The following STAC2 variants were observed in gnomAD, a reference collection of about 807,000 sequenced individuals.
STAC2 encodes SH3 and cysteine rich domain 2, also known as SH3 and cysteine-rich domain-containing protein 2.
In STAC2, 36 loss-of-function variants were observed where a neutral mutation model predicts 49.0. The ratio of observed to expected loss-of-function variants is 0.74; its 90% CI spans 0.56 to 0.97. The LOEUF (loss-of-function observed/expected upper bound fraction) is 0.97, where lower values mean the gene tolerates loss of function less well. STAC2 is among the 50% of genes least tolerant of loss of function. The probability of loss-of-function intolerance (pLI) is 0.00; values close to 1 mark genes in which losing one functional copy is unlikely to be tolerated. For missense variants in STAC2, 527 were observed against 543.8 expected, an observed-to-expected ratio of 0.97 and a Z score of 0.31; for synonymous variants, 239 against 214.7, an observed-to-expected ratio of 1.11 and a Z score of -0.99.
intron 10 of STAC2, 56 bp downstream of exon 10, chr17:39,212,938 TC>T (rs1193980181): frequency 1.3e-6 from 2 of 1,595,960 alleles, no homozygotes; most frequent in African/African-American, 1.3e-5. Flanking sequence ...GCAGCCTGTC[TC>T]CCCCGCCCAC....
In STAC2 at chr17:39,225,369, G is replaced by T. The variant is rs1223583741; in HGVS notation, c.90+44C>A. On this transcript the variant is annotated intron_variant, in intron 1 of 10. Coordinates refer to ENST00000333461, the MANE Select transcript of STAC2 (RefSeq NM_198993.5). This position sits in a 1 kb window ranked among gnomAD's most constrained non-coding sequence, Gnocchi z 8.2. The stretch of plus-strand genomic sequence containing the variant: ...AGGAGGACCCCGCCGGGAAGAGGGC[G>T]CCCGGGCCCGGGGCGCGGACAGGCC... The T allele has an allele frequency of 2.0e-6, 3 of 1,526,506 alleles. No homozygotes were observed. The highest frequency in any genetic ancestry group is 2.6e-6 in the Non-Finnish European group (3 of 1,136,186). 94.6% of individuals were successfully genotyped at this position (1,526,506 alleles called of 1,614,324 possible). A position where few individuals can be genotyped will look rare whatever the true frequency, so the allele number is the denominator to read the frequency against.
rs1016920142 is a variant in STAC2, at chr17:39,210,643, T to C, written c.*1649A>G. 2 of 133,184 alleles carry C rather than the reference T, an allele frequency of 1.5e-5. No individual in the cohort carries two copies. Among genetic ancestry groups the C allele is most frequent in the African/African-American group, 5.3e-5 (2 of 37,772 alleles). The allele number at this position is 133,184 out of a possible 1,614,324, so 8.3% of individuals were successfully genotyped here. ...GGCATTGGGCCCGCCCCTGGGATATTGCTGGGGGGGGGGGCCTCATGGCAG... is the reference window on the plus strand; with the variant it reads ...GGCATTGGGCCCGCCCCTGGGATATCGCTGGGGGGGGGGGCCTCATGGCAG... On this transcript the variant is annotated 3_prime_UTR_variant, in exon 11 of 11. Transcript: ENST00000333461.
chr17:39,222,906 A>G lies in STAC2; in HGVS notation c.90+2507T>C, dbSNP rs193013855. On this transcript the variant is annotated intron_variant, in intron 1 of 10. Coordinates refer to ENST00000333461, the MANE Select transcript of STAC2 (RefSeq NM_198993.5). ...GAGGCATCTGGCAGTGGGTGGTGGC[A>G]GACGTGGCACAAGCTGACTCACAGC... is the stretch of plus-strand genomic sequence containing the variant. Among the ~76,000 whole-genome samples the G allele has an allele frequency of 3.5e-4, 53 of 152,290 alleles. No homozygotes were observed. In the East Asian group the frequency reaches 8.1e-3, roughly 23 times the overall value.
intron 5 of STAC2, 46 bp from the exon 6 acceptor site, chr17:39,215,069 A>G: frequency 1.2e-6 from 2 of 1,613,914 alleles, no homozygotes; most frequent in Non-Finnish European, 1.7e-6. Context: ...GCCCACTGTC[A>G]TGCTCAGACA....
chr17:39,212,417 G>A, intron 10 of STAC2, 21 bp from the exon 11 acceptor site: 1 of 1,583,574 alleles, frequency 6.3e-7, no homozygotes, highest in Non-Finnish European at 8.6e-7. Context: ...GAGACATGGA[G>A]CTGAGGCCTG....
In STAC2 at chr17:39,214,783, A is replaced by T; in HGVS notation, c.843+8T>A. The T allele has an allele frequency of 6.2e-7, 1 of 1,613,704 alleles. No individual in the cohort carries two copies. The highest frequency in any genetic ancestry group is 8.5e-7 in the Non-Finnish European group (1 of 1,179,814). On this transcript the variant is annotated splice_region_variant and intron_variant, in intron 7 of 10. Coordinates refer to ENST00000333461, the MANE Select transcript of STAC2 (RefSeq NM_198993.5). ...TGACCTTCCGGGCCAATGCCAGTAC[A>T]GGCTCACCTGCTGTCCAGGACTCTT... is the stretch of plus-strand genomic sequence containing the variant.
rs768856766 is a variant in STAC2 at position 39,213,492 on chromosome 17, A to G, written c.993+15T>C. 3.7e-6 allele frequency: 6 copies of G among 1,613,106 alleles called. No homozygotes were observed. The highest frequency in any genetic ancestry group is 5.1e-6 in the Non-Finnish European group (6 of 1,179,582). The stretch of plus-strand genomic sequence containing the variant: ...GCCTACCAGTGTCCCTCCACTCCCC[A>G]CCCTGCCAAGTCACCTTCCACCAGT... On this transcript the variant is annotated intron_variant, in intron 9 of 10. Coordinates refer to ENST00000333461, the MANE Select transcript of STAC2 (RefSeq NM_198993.5).
chr17:39,219,783 C>T (rs1388539522), intron 1 of STAC2, among the ~76,000 whole-genome samples: 1 of 152,252 alleles, frequency 6.6e-6, no homozygotes, highest in African/African-American at 2.4e-5. Flanking sequence ...CCTTGGCCGT[C>T]TCCCTTCCCG....
chr17:39,222,915 A>C (rs1048693414), intron 1 of STAC2, among the ~76,000 whole-genome samples: 2 of 152,150 alleles, frequency 1.3e-5, no homozygotes, highest in African/African-American at 2.4e-5. Context: ...CAGACGTGGC[A>C]CAAGCTGACT....
At chr17:39,217,788 T>C (rs772186263) in intron 2 of STAC2, 79 bp downstream of exon 2, 54 of 1,414,438 alleles carry the variant, frequency 3.8e-5, no homozygotes, top group Non-Finnish European at 4.3e-5. Context: ...AGCCCAATAA[T>C]ATTGGGCGCA....
Position 39,218,126 on chromosome 17 carries a change from A to G in STAC2, c.138T>C (p.Ser46=). 6.2e-7 allele frequency: 1 copy of G among 1,613,516 alleles called. No individual in the cohort carries two copies. Among genetic ancestry groups the G allele is most frequent in the South Asian group, 1.1e-5 (1 of 91,074 alleles). ...RSLSLKTILR[S]KSLENFFLRS... ...GAAGGAAGAAGTTCTCCAAGCTCTT[A>G]CTTCGGAGGATGGTCTTGAGGGAGA... The change falls in exon 2 of 11, where the codon AGT becomes AGC. Residue 46 remains serine (S), a synonymous_variant. Transcript: ENST00000333461.
intron 10 of STAC2, among the ~76,000 whole-genome samples, 157 bp from the exon 11 acceptor site, chr17:39,212,553 G>T (rs1282357992): frequency 6.6e-6 from 1 of 152,168 alleles, no homozygotes; most frequent in Non-Finnish European, 1.5e-5. Flanking sequence ...CAGATCCCAG[G>T]AGTGTAGAGG....
At position 39,217,919 on chromosome 17, in the gene STAC2, T is replaced by A; in HGVS notation, c.345A>T (p.Glu115Asp). The A allele has an allele frequency of 6.2e-7, 1 of 1,606,494 alleles. No individual in the cohort carries two copies. Among genetic ancestry groups the A allele is most frequent in the Non-Finnish European group, 8.5e-7 (1 of 1,177,006 alleles). Reference protein sequence around the residue: ...LKPVRLHSFQEHVFKRASPCE... With the variant: ...LKPVRLHSFQDHVFKRASPCE... ...AAGGGCTAGCTCGCTTGAAGACATG[T>A]TCCTGGAAGCTGTGCAGCCTCACTG... is the stretch of plus-strand genomic sequence containing the variant. The change falls in exon 2 of 11, where the codon GAA becomes GAT. Residue 115 changes from glutamate to aspartate, a missense_variant. By Grantham distance (45) the Glu-to-Asp change is conservative. Coordinates refer to ENST00000333461, the MANE Select transcript of STAC2 (RefSeq NM_198993.5).
At chr17:39,215,797 G>C (rs2046397076) in intron 4 of STAC2, among the ~76,000 whole-genome samples, 1 of 152,074 alleles carries the variant, frequency 6.6e-6, no homozygotes, top group African/African-American at 2.4e-5. Context: ...TCCGCCTCCT[G>C]GGTTCAAGCA....
chr17:39,212,858 T>C, intron 10 of STAC2, 137 bp downstream of exon 10: 1 of 1,425,294 alleles, frequency 7.0e-7, no homozygotes, highest in Non-Finnish European at 9.4e-7. Context: ...CTGCAACCCT[T>C]TCTTTCTAAC....
rs542383686 is a variant in STAC2 at position 39,225,378 on chromosome 17, C to T, written c.90+35G>A. The stretch of plus-strand genomic sequence containing the variant: ...CCGCCGGGAAGAGGGCGCCCGGGCC[C>T]GGGGCGCGGACAGGCCTTGCGCCCC... On this transcript the variant is annotated intron_variant, in intron 1 of 10. Transcript: ENST00000333461. The surrounding 1 kb of genome is among the most constrained non-coding windows in gnomAD (Gnocchi z 8.2). 2.6e-5 allele frequency: 41 copies of T among 1,561,554 alleles called. 1 individual carries two copies. The highest frequency in any genetic ancestry group is 1.3e-4 in the African/African-American group (9 of 71,278).
At position 39,217,186 on chromosome 17, in the gene STAC2, T is replaced by G. The variant is rs771453340; in HGVS notation, c.398-13A>C. The G allele has an allele frequency of 1.2e-6, 2 of 1,611,424 alleles. No individual in the cohort carries two copies. The highest frequency in any genetic ancestry group is 1.7e-5 in the Admixed American group (1 of 59,986). On this transcript the variant is annotated splice_polypyrimidine_tract_variant and intron_variant, in intron 2 of 10. Coordinates refer to ENST00000333461, the MANE Select transcript of STAC2 (RefSeq NM_198993.5). ...TGTTTGGAGTTTCCTAGGAAGAATTTGGGTTCAGCAATTGAGGACACCCCC... is the reference window on the plus strand; with the variant it reads ...TGTTTGGAGTTTCCTAGGAAGAATTGGGGTTCAGCAATTGAGGACACCCCC...
At chr17:39,214,142 A>G in intron 8 of STAC2, 91 bp downstream of exon 8, 1 of 1,430,112 alleles carries the variant, frequency 7.0e-7, no homozygotes, top group Non-Finnish European at 9.7e-7. Flanking sequence ...TCAAGCATGC[A>G]AGAAGGTTCC....
chr17:39,216,565 G>A (rs1462642595), intron 4 of STAC2, among the ~76,000 whole-genome samples: 1 of 152,188 alleles, frequency 6.6e-6, no homozygotes, highest in Non-Finnish European at 1.5e-5. Flanking sequence ...GGAACTGTCT[G>A]TGCCAGTGTG....
Sources: gnomAD v4.1 joint callset for allele counts (sites outside exome capture counted in the v4.1 genomes callset) on GRCh38, gnomAD v4.1.1 for gene constraint, Gnocchi (gnomAD v3.1) non-coding constraint, MANE v1.5 for transcripts, NCBI Gene and HGNC (gene_info 2026-07-23, HGNC 2026-07-21) for gene names.